CAMK2D: variants seen among roughly 807,000 people sequenced by gnomAD.
The protein encoded by CAMK2D is calcium/calmodulin dependent protein kinase II delta.
Under a neutral mutation model 84.0 loss-of-function variants are expected in CAMK2D, and 37 were observed. That is an observed-to-expected ratio of 0.44 (90% confidence interval 0.34 to 0.58). The LOEUF is 0.58. Among genes scored for constraint, CAMK2D ranks in the 20% least tolerant of loss-of-function variants. The pLI, the probability that CAMK2D is intolerant of heterozygous loss-of-function variation, is 0.02. For synonymous variants in CAMK2D, 202 were observed against 212.5 expected, an observed-to-expected ratio of 0.95 and a Z score of 0.43; for missense variants, 448 against 652.5, an observed-to-expected ratio of 0.69 and a Z score of 3.41.
intron 13 of CAMK2D, among the ~76,000 whole-genome samples, chr4:113,506,450 AC>A (rs768347868): frequency 7.9e-5 from 12 of 152,096 alleles, no homozygotes; most frequent in Non-Finnish European, 1.6e-4. Context: ...GATAGTTAAA[AC>A]CTTTTTTTTC....
chr4:113,632,923 T>C (rs1186202411), intron 3 of CAMK2D, among the ~76,000 whole-genome samples: 1 of 152,208 alleles, frequency 6.6e-6, no homozygotes, highest in Admixed American at 6.5e-5. Context: ...GACTGAGAAA[T>C]AATCTATTCC....
chr4:113,582,781 T>C (rs2098816655), intron 4 of CAMK2D, among the ~76,000 whole-genome samples: 1 of 152,236 alleles, frequency 6.6e-6, no homozygotes, highest in Non-Finnish European at 1.5e-5. Flanking sequence ...CTGTACAGTA[T>C]ATACAGTAGA....
chr4:113,508,478 G>A (rs1055338812), intron 13 of CAMK2D, among the ~76,000 whole-genome samples: 5 of 152,106 alleles, frequency 3.3e-5, no homozygotes, highest in African/African-American at 1.2e-4. Context: ...ATCACTGAAC[G>A]GTACAGGAAA....
At chr4:113,490,290 T>C (rs1475829257) in intron 16 of CAMK2D, among the ~76,000 whole-genome samples, 1 of 149,614 alleles carries the variant, frequency 6.7e-6, no homozygotes, top group Non-Finnish European at 1.5e-5. Context: ...AACGTTTAAG[T>C]CTTTAATCCA....
chr4:113,677,522 A>G, intron 2 of CAMK2D: 1 of 959,542 alleles, frequency 1.0e-6, no homozygotes, highest in Non-Finnish European at 1.2e-6. Flanking sequence ...TTCTTGAAGG[A>G]ACTTGCTCGT....
At chr4:113,638,276 A>ATG (rs143627903) in intron 3 of CAMK2D, among the ~76,000 whole-genome samples, 2 of 151,814 alleles carry the variant, frequency 1.3e-5, no homozygotes, top group Non-Finnish European at 1.5e-5. Context: ...GTGTGTGTGT[A>ATG]TGTGTGTGTG....
At chr4:113,658,977 T>C (rs2099215221) in intron 3 of CAMK2D, among the ~76,000 whole-genome samples, 1 of 152,214 alleles carries the variant, frequency 6.6e-6, no homozygotes, top group African/African-American at 2.4e-5. Flanking sequence ...CAAAAAGATG[T>C]ACACTGTGTC....
intron 4 of CAMK2D, among the ~76,000 whole-genome samples, chr4:113,581,240 G>A (rs1381644351): frequency 6.6e-6 from 1 of 152,086 alleles, no homozygotes; most frequent in Non-Finnish European, 1.5e-5. Context: ...CTGGCTGGGT[G>A]CGGTGGCTCA....
Position 113,455,835 on chromosome 4 carries a change from C to G in CAMK2D, c.1536-14G>C. ...ATACAGGGTGGCCTATTAAGAGAAG[C>G]CCCATTTAAGCCACCTGGCATAAAA... On this transcript the variant is annotated splice_polypyrimidine_tract_variant and intron_variant, in intron 19 of 20. Transcript: ENST00000511664. 2 of 1,521,540 alleles carry G rather than the reference C, an allele frequency of 1.3e-6. No homozygotes were observed. Among genetic ancestry groups the G allele is most frequent in the Non-Finnish European group, 1.8e-6 (2 of 1,096,270 alleles). 94.3% of individuals were successfully genotyped at this position (1,521,540 alleles called of 1,614,324 possible).
At chr4:113,587,285 G>C (rs2098838308) in intron 4 of CAMK2D, among the ~76,000 whole-genome samples, 1 of 152,126 alleles carries the variant, frequency 6.6e-6, no homozygotes, top group South Asian at 2.1e-4. Flanking sequence ...CTTAACAAAT[G>C]TTCACTCTTA....
At chr4:113,562,789 T>C (rs1461636418) in intron 4 of CAMK2D, among the ~76,000 whole-genome samples, 5 of 152,240 alleles carry the variant, frequency 3.3e-5, no homozygotes, top group South Asian at 2.1e-4. Flanking sequence ...CTTGGTTTAA[T>C]AGTTTGGTTC....
chr4:113,567,799 T>C (rs1375058810), intron 4 of CAMK2D, among the ~76,000 whole-genome samples: 1 of 152,122 alleles, frequency 6.6e-6, no homozygotes, highest in African/African-American at 2.4e-5. Flanking sequence ...TGATGTAAAA[T>C]TAAAGAGCTA....
At chr4:113,513,681 A>G (rs1220325468) in intron 11 of CAMK2D, 149 bp downstream of exon 11, 3 of 612,492 alleles carry the variant, frequency 4.9e-6, no homozygotes, top group Non-Finnish European at 8.8e-6. Flanking sequence ...TCTGGTGTAT[A>G]TTCCATTTCC....
In CAMK2D at chr4:113,456,371, T is replaced by C. The variant is rs112788908; in HGVS notation, c.1536-550A>G. On this transcript the variant is annotated intron_variant, in intron 19 of 20. Transcript: ENST00000511664. ...TGAGTTTAAACTCTTCTTGTTTTCA[T>C]CTCACTCCACTTTACCAATAAGCCT... 1.7e-4 allele frequency among the ~76,000 whole-genome samples: 26 copies of C among 152,312 alleles called. 1 individual carries two copies. Among genetic ancestry groups the C allele is most frequent in the African/African-American group, 6.3e-4 (26 of 41,576 alleles).
chr4:113,706,813 T>C (rs1490471921), intron 2 of CAMK2D, among the ~76,000 whole-genome samples: 1 of 152,204 alleles, frequency 6.6e-6, no homozygotes, highest in Non-Finnish European at 1.5e-5. Context: ...ATGAAATGAT[T>C]CAGACAGTTG....
rs897983936 is a variant in CAMK2D, at chr4:113,531,108, A to T, written c.601+108T>A. On this transcript the variant is annotated intron_variant, in intron 8 of 20. Transcript: ENST00000511664. ...CAAAATAAATAAATAAATAAGAAAT[A>T]CATTTTTGTTATTTAACCCACTTGG... is the stretch of plus-strand genomic sequence containing the variant. 5.8e-5 allele frequency: 38 copies of T among 656,764 alleles called. No individual in the cohort carries two copies. The African/African-American group carries it at 7.0e-4, about 12-fold the overall frequency. The allele number at this position is 656,764 out of a possible 1,614,324, so 40.7% of individuals were successfully genotyped here.
At chr4:113,543,089 C>T (rs958947045) in intron 6 of CAMK2D, among the ~76,000 whole-genome samples, 1 of 152,188 alleles carries the variant, frequency 6.6e-6, no homozygotes, top group African/African-American at 2.4e-5. Flanking sequence ...ATTTGAACTG[C>T]AGAAATCTTA....
chr4:113,556,260 A>G (rs568338120), intron 4 of CAMK2D, among the ~76,000 whole-genome samples: 1 of 152,306 alleles, frequency 6.6e-6, no homozygotes, highest in African/African-American at 2.4e-5. Flanking sequence ...GAACACACAC[A>G]AAAGAAAGGA....
At chr4:113,657,515 C>CAT (rs947760397) in intron 3 of CAMK2D, among the ~76,000 whole-genome samples, 13 of 151,718 alleles carry the variant, frequency 8.6e-5, no homozygotes, top group East Asian at 1.9e-4. Flanking sequence ...TGAAAATTAG[C>CAT]ATATATATAT....
Sources: allele counts gnomAD v4.1 joint callset (sites outside exome capture counted in the v4.1 genomes callset), GRCh38; gene constraint gnomAD v4.1.1; transcripts MANE v1.5; gene names NCBI Gene and HGNC (gene_info 2026-07-23, HGNC 2026-07-21).